EML4: variants seen among roughly 807,000 people sequenced by gnomAD.
EML4 encodes EMAP like 4.
Under a neutral mutation model 129.0 loss-of-function variants are expected in EML4, and 72 were observed. The observed-to-expected ratio is 0.56, with a 90% CI of 0.46 to 0.68. The LOEUF (loss-of-function observed/expected upper bound fraction) is 0.68, where lower values mean the gene tolerates loss of function less well. Among genes scored for constraint, EML4 ranks in the 30% least tolerant of loss-of-function variants. The pLI is 0.00. For missense variants in EML4, 1,363 were observed against 1,190.6 expected, an observed-to-expected ratio of 1.14 and a Z score of -2.13; for synonymous variants, 532 against 405.0, an observed-to-expected ratio of 1.31 and a Z score of -3.77.
chr2:42,276,060 G>T (rs1666638923), intron 6 of EML4, among the ~76,000 whole-genome samples: 1 of 152,066 alleles, frequency 6.6e-6, no homozygotes, highest in South Asian at 2.1e-4. Flanking sequence ...TCAGGAAAAA[G>T]TTTGCAGTGA....
At chr2:42,327,268 T>C (rs1669859489) in intron 21 of EML4, among the ~76,000 whole-genome samples, 1 of 152,366 alleles carries the variant, frequency 6.6e-6, no homozygotes, top group African/African-American at 2.4e-5. Context: ...TTGGGCTGTT[T>C]CTACTTTTCA....
intron 1 of EML4, among the ~76,000 whole-genome samples, chr2:42,179,355 A>C (rs532640817): frequency 6.6e-6 from 1 of 151,748 alleles, no homozygotes; most frequent in East Asian, 1.9e-4. Flanking sequence ...TAAATGAACT[A>C]CCTGATTTTA....
At chr2:42,219,448 G>C (rs1284839684) in intron 1 of EML4, among the ~76,000 whole-genome samples, 1 of 152,160 alleles carries the variant, frequency 6.6e-6, no homozygotes, top group Non-Finnish European at 1.5e-5. Context: ...AGATGTCTTT[G>C]AAAAGGTCTA....
At chr2:42,313,540 C>T (rs1166034688) in intron 17 of EML4, among the ~76,000 whole-genome samples, 3 of 152,140 alleles carry the variant, frequency 2.0e-5, no homozygotes, top group South Asian at 2.1e-4. Flanking sequence ...AAAAAAAAAT[C>T]CTTCAAGCCC....
At chr2:42,238,152 C>G (rs1179755303) in intron 1 of EML4, among the ~76,000 whole-genome samples, 3 of 152,124 alleles carry the variant, frequency 2.0e-5, no homozygotes, top group Non-Finnish European at 4.4e-5. Flanking sequence ...AGACTTGGAT[C>G]CCCTCCACAA....
rs748358960 is a variant in EML4 at position 42,301,275 on chromosome 2, T to C, written c.1524T>C (p.His508=). The stretch of plus-strand genomic sequence containing the variant: ...AAATCAGCAAACAAATCAAAGCTCA[T>C]GATGGCAGTGTGTTCACACTTTGTC... The part of the protein sequence containing the change: ...VYQISKQIKA[H]DGSVFTLCQM... Residue 508 remains histidine (H), a synonymous_variant, in exon 14 of 23, where the codon CAT becomes CAC. Transcript: ENST00000318522. The C allele has an allele frequency of 6.2e-7, 1 of 1,612,958 alleles. No homozygotes were observed. The highest frequency in any genetic ancestry group is 8.5e-7 in the Non-Finnish European group (1 of 1,179,524).
At chr2:42,286,095 T>G (rs1667293112) in intron 9 of EML4, 174 bp from the exon 10 acceptor site, 2 of 635,182 alleles carry the variant, frequency 3.1e-6, no homozygotes, top group Admixed American at 2.7e-5. Flanking sequence ...TTTCTTATTT[T>G]CACAGTATAA....
intron 1 of EML4, among the ~76,000 whole-genome samples, chr2:42,189,999 CTT>C (rs36110068): frequency 2.1e-5 from 3 of 142,500 alleles, no homozygotes; most frequent in Admixed American, 7.0e-5. Context: ...AAATTGGGCT[CTT>C]TTTTTTTTTA....
At chr2:42,315,090 T>C (rs1191399018) in intron 17 of EML4, among the ~76,000 whole-genome samples, 1 of 152,144 alleles carries the variant, frequency 6.6e-6, no homozygotes, top group Non-Finnish European at 1.5e-5. Flanking sequence ...TTGCTACTGT[T>C]CCCTCACACC....
intron 13 of EML4, among the ~76,000 whole-genome samples, chr2:42,298,106 A>G (rs370847359): frequency 7.2e-5 from 11 of 152,236 alleles, no homozygotes; most frequent in Admixed American, 7.2e-4. Flanking sequence ...AACCATTAAA[A>G]TGTTCACCAT....
chr2:42,301,811 G>T (rs567483455), intron 14 of EML4, among the ~76,000 whole-genome samples: 70 of 152,132 alleles, frequency 4.6e-4, no homozygotes, highest in Admixed American at 1.5e-3. Flanking sequence ...CAGGAAGATA[G>T]ATAATAAAGA....
At chr2:42,245,090 C>CT (rs960416568) in intron 1 of EML4, among the ~76,000 whole-genome samples, 1 of 14,512 alleles carries the variant, frequency 6.9e-5, no homozygotes, top group Non-Finnish European at 1.2e-4. Context: ...TTGAAATTTT[C>CT]TTTCTTTTTT....
At chr2:42,239,169 G>T (rs1440907505) in intron 1 of EML4, among the ~76,000 whole-genome samples, 3 of 152,152 alleles carry the variant, frequency 2.0e-5, no homozygotes, top group Non-Finnish European at 2.9e-5. Context: ...CCAAGAAGTG[G>T]TTACATTATG....
chr2:42,216,415 G>A (rs1673195565), intron 1 of EML4, among the ~76,000 whole-genome samples: 1 of 151,188 alleles, frequency 6.6e-6, no homozygotes, highest in South Asian at 2.1e-4. Context: ...GCTAATTTTT[G>A]TGTTTTTAGT....
intron 1 of EML4, among the ~76,000 whole-genome samples, chr2:42,224,461 A>G (rs571778092): frequency 6.6e-6 from 1 of 152,230 alleles, no homozygotes; most frequent in African/African-American, 2.4e-5. Flanking sequence ...TTTGATGGAC[A>G]TTTGGGTTAT....
intron 2 of EML4, among the ~76,000 whole-genome samples, chr2:42,249,337 A>G (rs932248717): frequency 1.3e-5 from 2 of 151,946 alleles, no homozygotes; most frequent in Non-Finnish European, 2.9e-5. Flanking sequence ...ATCGAGTATC[A>G]CATAATTTAT....
rs532929940 is a variant in EML4 at position 42,192,246 on chromosome 2, G to T, written c.25+22610G>T. On this transcript the variant is annotated intron_variant, in intron 1 of 22. Coordinates refer to ENST00000318522, the MANE Select transcript of EML4 (RefSeq NM_019063.5). ...GTTGTTTTTTTGTTTTTTTTTTTGGGGGGGGGAGGTGTAGTCTTGCTCCTC... is the reference window on the plus strand; with the variant it reads ...GTTGTTTTTTTGTTTTTTTTTTTGGTGGGGGGAGGTGTAGTCTTGCTCCTC... Among the ~76,000 whole-genome samples the T allele has an allele frequency of 7.0e-4, 104 of 148,056 alleles. 1 individual carries two copies. The highest frequency in any genetic ancestry group is 1.7e-3 in the African/African-American group (69 of 40,024).
intron 1 of EML4, among the ~76,000 whole-genome samples, chr2:42,208,651 T>C (rs552067493): frequency 3.7e-4 from 57 of 152,186 alleles, no homozygotes; most frequent in Admixed American, 9.8e-4. Context: ...GCCAGGCTGG[T>C]CTTGAACTCC....
intron 19 of EML4, among the ~76,000 whole-genome samples, chr2:42,323,186 C>T (rs550174070): frequency 1.3e-5 from 2 of 152,142 alleles, no homozygotes; most frequent in African/African-American, 4.8e-5. Flanking sequence ...TTTGCCATGA[C>T]CAATCTTGTT....
Sources: gnomAD v4.1 joint callset for allele counts (sites outside exome capture counted in the v4.1 genomes callset) on GRCh38, gnomAD v4.1.1 for gene constraint, MANE v1.5 for transcripts, NCBI Gene and HGNC (gene_info 2026-07-23, HGNC 2026-07-21) for gene names.